Variants in RARB observed in about 807,000 individuals in gnomAD.
RARB encodes HBV-activated protein.
In RARB, 17 loss-of-function variants were observed where a neutral mutation model predicts 51.9. The ratio of observed to expected loss-of-function variants is 0.33; its 90% CI spans 0.22 to 0.49. The LOEUF is 0.49. RARB is among the 20% of genes least tolerant of loss of function. The pLI is 0.99. For missense variants in RARB, 369 were observed against 550.8 expected (o/e 0.67, Z 3.30); for synonymous variants, 215 against 195.4 (o/e 1.10, Z -0.84).
intron 2 of RARB, among the ~76,000 whole-genome samples, chr3:24,881,063 T>G (rs1703149689): frequency 6.6e-6 from 1 of 152,192 alleles, no homozygotes; most frequent in African/African-American, 2.4e-5. Flanking sequence ...CATGCTGTTC[T>G]CATGATAGTG....
chr3:25,566,247 C>T (rs181594899), intron 3 of RARB, among the ~76,000 whole-genome samples: 11 of 152,278 alleles, frequency 7.2e-5, no homozygotes, highest in Admixed American at 4.6e-4. Context: ...AAAATTTGTC[C>T]GTCAACTTAT....
intron 5 of RARB, among the ~76,000 whole-genome samples, chr3:25,186,750 C>T (rs1700985804): frequency 6.6e-6 from 1 of 151,844 alleles, no homozygotes; most frequent in African/African-American, 2.4e-5. Context: ...TTTTCCTCAC[C>T]CATCTCTAGA....
intron 1 of RARB, among the ~76,000 whole-genome samples, chr3:25,433,333 A>G (rs1243598041): frequency 6.6e-6 from 1 of 151,562 alleles, no homozygotes; most frequent in African/African-American, 2.4e-5. Context: ...TCTATAGTCA[A>G]TATAAGTAGA....
intron 2 of RARB, among the ~76,000 whole-genome samples, chr3:25,039,392 G>T (rs902819118): frequency 6.6e-6 from 1 of 152,162 alleles, no homozygotes; most frequent in African/African-American, 2.4e-5. Flanking sequence ...GTTGTTCTGG[G>T]AAAGCTTGGT....
At chr3:25,122,724 C>T (rs1347539796) in intron 3 of RARB, among the ~76,000 whole-genome samples, 1 of 152,122 alleles carries the variant, frequency 6.6e-6, no homozygotes, top group Admixed American at 6.5e-5. Flanking sequence ...GGCTAGCCAA[C>T]CAGGGACCAG....
chr3:24,861,985 C>G (rs1702757303), intron 2 of RARB, among the ~76,000 whole-genome samples: 1 of 152,216 alleles, frequency 6.6e-6, no homozygotes, highest in Admixed American at 6.5e-5. Context: ...TGACCAGGCA[C>G]AAACTTCTCA....
intron 1 of RARB, among the ~76,000 whole-genome samples, chr3:25,433,353 G>C (rs1447801729): frequency 1.3e-5 from 2 of 152,086 alleles, no homozygotes; most frequent in Non-Finnish European, 2.9e-5. Context: ...AGCTCTCACA[G>C]CTTAATTTTT....
At chr3:25,273,899 T>G (rs2125412665) in intron 5 of RARB, among the ~76,000 whole-genome samples, 1 of 152,254 alleles carries the variant, frequency 6.6e-6, no homozygotes, top group African/African-American at 2.4e-5. Flanking sequence ...AGGCCCCAAC[T>G]TGGTGTTCAG....
At chr3:25,507,417 G>C (rs1163991768) in intron 3 of RARB, among the ~76,000 whole-genome samples, 1 of 152,214 alleles carries the variant, frequency 6.6e-6, no homozygotes, top group Non-Finnish European at 1.5e-5. Context: ...ACTTCTTGGA[G>C]GCTGTGTTTT....
At chr3:25,526,030 G>C (rs1210181400) in intron 3 of RARB, among the ~76,000 whole-genome samples, 1 of 152,182 alleles carries the variant, frequency 6.6e-6, no homozygotes, top group Non-Finnish European at 1.5e-5. Context: ...AGGCAACAAA[G>C]AAATGCATAA....
chr3:24,986,146 C>G (rs1021170753), intron 2 of RARB, among the ~76,000 whole-genome samples: 1 of 152,138 alleles, frequency 6.6e-6, no homozygotes, highest in African/African-American at 2.4e-5. Flanking sequence ...CAGTACAGTT[C>G]ATTGACTCAG....
chr3:25,119,284 C>T (rs1235152914), intron 3 of RARB, among the ~76,000 whole-genome samples: 4 of 151,924 alleles, frequency 2.6e-5, no homozygotes, highest in African/African-American at 4.8e-5. Flanking sequence ...ACTGAGGGGT[C>T]GGTGGTAAGG....
chr3:25,150,095 G>A (rs749131333), intron 4 of RARB, among the ~76,000 whole-genome samples: 10 of 151,816 alleles, frequency 6.6e-5, no homozygotes, highest in Middle Eastern at 6.3e-3. Flanking sequence ...CCAGCTACTC[G>A]GAGGCTGAGG....
Position 24,846,990 on chromosome 3 carries a change from G to T in RARB, c.-458-11684G>T, listed in dbSNP as rs965551088. ...AAATTCGTAAGAGTGTCTTCTATAT[G>T]AATACTTCTGAAAGGTTACTGTGCA... On this transcript the variant is annotated intron_variant, in intron 1 of 11. Coordinates refer to the RARB transcript ENST00000383772. 9.2e-5 allele frequency among the ~76,000 whole-genome samples: 14 copies of T among 152,166 alleles called. No homozygotes were observed. The Middle Eastern group carries it at 0.014, about 148-fold the overall frequency.
intron 2 of RARB, among the ~76,000 whole-genome samples, chr3:25,053,386 A>G (rs927491559): frequency 6.6e-6 from 1 of 152,198 alleles, no homozygotes; most frequent in Non-Finnish European, 1.5e-5. Flanking sequence ...GGTTCCGTTT[A>G]TATCTGACAC....
intron 3 of RARB, among the ~76,000 whole-genome samples, chr3:25,117,624 C>T (rs1440407422): frequency 2.0e-5 from 3 of 151,938 alleles, no homozygotes; most frequent in Non-Finnish European, 4.4e-5. Context: ...TTTTAGTGGC[C>T]AAGGAGAGAG....
rs77368242 is a variant in RARB, at chr3:25,256,913, T to C, written c.178+82338T>C. Among the ~76,000 whole-genome samples the C allele has an allele frequency of 8.5e-3, 1,301 of 152,214 alleles. 7 individuals carry two copies. Among genetic ancestry groups the C allele is most frequent in the Non-Finnish European group, 0.016 (1,084 of 67,992 alleles). On this transcript the variant is annotated intron_variant, in intron 5 of 11. Transcript: ENST00000383772. ...GGAGTTCTGTCTCAGCGTCTTCTCA[T>C]TGAACATCATCAAGAACTTGGAAGA... is the stretch of plus-strand genomic sequence containing the variant.
At chr3:24,962,929 GAC>G (rs1575093846) in intron 2 of RARB, among the ~76,000 whole-genome samples, 1 of 152,172 alleles carries the variant, frequency 6.6e-6, no homozygotes, top group South Asian at 2.1e-4. Flanking sequence ...ATGAGGAACT[GAC>G]ACAGAGTGGT....
At chr3:25,149,472 T>C (rs1356127194) in intron 4 of RARB, among the ~76,000 whole-genome samples, 1 of 152,224 alleles carries the variant, frequency 6.6e-6, no homozygotes, top group Admixed American at 6.5e-5. Context: ...TCCAAACCAT[T>C]TCCATGATGG....
Sources: allele counts gnomAD v4.1 joint callset (sites outside exome capture counted in the v4.1 genomes callset), GRCh38; gene constraint gnomAD v4.1.1; transcripts MANE v1.5; gene names NCBI Gene and HGNC (gene_info 2026-07-23, HGNC 2026-07-21).